GRID2: variants seen among roughly 807,000 people sequenced by gnomAD.
GRID2 encodes the protein glutamate ionotropic receptor delta type subunit 2.
In GRID2, 33 loss-of-function variants were observed where a neutral mutation model predicts 114.8. That is an observed-to-expected ratio of 0.29 (90% confidence interval 0.22 to 0.38). The LOEUF is 0.38. GRID2 is among the 10% of genes least tolerant of loss of function. The probability of loss-of-function intolerance (pLI) is 1.00; values close to 1 mark genes in which losing one functional copy is unlikely to be tolerated. For missense variants in GRID2, 1,184 were observed against 1,257.7 expected (o/e 0.94, Z 0.89); for synonymous variants, 505 against 449.9 (o/e 1.12, Z -1.55).
chr4:92,722,888 T>TATAAG (rs35698891), intron 2 of GRID2, among the ~76,000 whole-genome samples: 118,250 of 151,486 alleles, frequency 0.78, 46,966 homozygotes, highest in Middle Eastern at 0.92. Flanking sequence ...TTTATAATAA[T>TATAAG]AATAGAAAAG....
intron 8 of GRID2, among the ~76,000 whole-genome samples, chr4:93,349,635 A>T (rs1043916891): frequency 6.6e-6 from 1 of 152,078 alleles, no homozygotes; most frequent in Non-Finnish European, 1.5e-5. Flanking sequence ...CATTTTACAC[A>T]GGAGAAAATT....
At chr4:92,579,870 C>T (rs1403858198) in intron 1 of GRID2, among the ~76,000 whole-genome samples, 1 of 115,866 alleles carries the variant, frequency 8.6e-6, no homozygotes. Flanking sequence ...ATGTCAGAGA[C>T]TGTGACTATG....
At chr4:93,696,181 C>A (rs1727003297) in intron 14 of GRID2, among the ~76,000 whole-genome samples, 1 of 152,168 alleles carries the variant, frequency 6.6e-6, no homozygotes, top group African/African-American at 2.4e-5. Context: ...CACCCTTCTA[C>A]ATCATCCGTT....
At chr4:93,805,592 A>T (rs1201876667) in intron 1 of GRID2, among the ~76,000 whole-genome samples, 1 of 152,216 alleles carries the variant, frequency 6.6e-6, no homozygotes, top group Non-Finnish European at 1.5e-5. Flanking sequence ...ATTTTGATAA[A>T]CATGAAACCT....
At chr4:93,615,065 C>G (rs1741465070) in intron 13 of GRID2, among the ~76,000 whole-genome samples, 1 of 152,140 alleles carries the variant, frequency 6.6e-6, no homozygotes, top group Non-Finnish European at 1.5e-5. Context: ...TACGTTGATT[C>G]TGGTGTCATT....
intron 1 of GRID2, among the ~76,000 whole-genome samples, chr4:92,363,218 A>G (rs942470003): frequency 6.6e-6 from 1 of 152,074 alleles, no homozygotes; most frequent in Admixed American, 6.6e-5. Context: ...GCTATATTTT[A>G]ACAAGTCCCC....
chr4:93,691,001 T>A (rs1479134105), intron 14 of GRID2, among the ~76,000 whole-genome samples: 2 of 149,780 alleles, frequency 1.3e-5, no homozygotes, highest in Non-Finnish European at 3.0e-5. Flanking sequence ...AAAAGCATAC[T>A]TATAAAATAT....
intron 8 of GRID2, among the ~76,000 whole-genome samples, chr4:93,345,342 C>G (rs192405695): frequency 5.7e-4 from 86 of 152,022 alleles, no homozygotes; most frequent in African/African-American, 1.9e-3. Context: ...TAGCCACTCT[C>G]TCTGGTGCAA....
intron 1 of GRID2, among the ~76,000 whole-genome samples, chr4:92,514,971 A>G (rs184163801): frequency 6.6e-6 from 1 of 151,878 alleles, no homozygotes; most frequent in East Asian, 2.0e-4. Flanking sequence ...CCTTTTTGCA[A>G]TTGCCCTATA....
chr4:92,660,675 T>C (rs1404793535), intron 2 of GRID2, among the ~76,000 whole-genome samples: 1 of 151,298 alleles, frequency 6.6e-6, no homozygotes, highest in Non-Finnish European at 1.5e-5. Flanking sequence ...CATTCCATTT[T>C]TTTCTTCAAC....
intron 2 of GRID2, among the ~76,000 whole-genome samples, chr4:92,634,121 AAAAAC>A (rs1730946027): frequency 6.6e-6 from 1 of 151,570 alleles, no homozygotes; most frequent in African/African-American, 2.4e-5. Flanking sequence ...TTGCAAAAAA[AAAAAC>A]AACAAAAAAC....
At chr4:92,534,063 C>T (rs1405018386) in intron 1 of GRID2, among the ~76,000 whole-genome samples, 1 of 151,844 alleles carries the variant, frequency 6.6e-6, no homozygotes, top group Non-Finnish European at 1.5e-5. Flanking sequence ...TGGATGTATC[C>T]TTTCAAGTAA....
At chr4:92,764,159 C>T (rs1738151141) in intron 2 of GRID2, among the ~76,000 whole-genome samples, 4 of 152,006 alleles carry the variant, frequency 2.6e-5, no homozygotes, top group African/African-American at 9.7e-5. Flanking sequence ...AATGTATGAC[C>T]GTTCAGCAGC....
chr4:93,281,063 A>G (rs1752598109), intron 8 of GRID2, among the ~76,000 whole-genome samples: 1 of 151,984 alleles, frequency 6.6e-6, no homozygotes, highest in African/African-American at 2.4e-5. Context: ...ATACACACAT[A>G]TATGATACAT....
Position 92,482,027 on chromosome 4 carries a change from TATATATAA to T in GRID2, c.89-108102_89-108095del, listed in dbSNP as rs1218876334. 2.3e-3 allele frequency among the ~76,000 whole-genome samples: 150 copies of T among 64,640 alleles called. 5 individuals are homozygous for T. Among genetic ancestry groups the T allele is most frequent in the Middle Eastern group, 0.01 (1 of 96 alleles). 42.4% of individuals were successfully genotyped at this position (64,640 alleles called of 152,430 possible). Reference sequence around the variant, plus strand: ...ATATATATATATATATATATATATATATATATAAAATAACAATACAAGCTTATAGCTGC... The same window carrying T: ...ATATATATATATATATATATATATATAATAACAATACAAGCTTATAGCTGC... On this transcript the variant is annotated intron_variant, in intron 1 of 15. Coordinates refer to ENST00000282020, the MANE Select transcript of GRID2 (RefSeq NM_001510.4).
At chr4:92,393,618 T>G (rs1171501707) in intron 1 of GRID2, among the ~76,000 whole-genome samples, 3 of 152,160 alleles carry the variant, frequency 2.0e-5, no homozygotes, top group Admixed American at 2.0e-4. Flanking sequence ...ACTCCATGTT[T>G]TATTTTCTTT....
chr4:93,586,557 T>C (rs960713940), intron 13 of GRID2, among the ~76,000 whole-genome samples: 2 of 152,144 alleles, frequency 1.3e-5, no homozygotes, highest in African/African-American at 4.8e-5. Context: ...GACATACATA[T>C]ATTTGCATTA....
At chr4:92,444,225 G>A (rs1035874652) in intron 1 of GRID2, among the ~76,000 whole-genome samples, 4 of 152,144 alleles carry the variant, frequency 2.6e-5, no homozygotes, top group African/African-American at 9.7e-5. Context: ...TGTGTGAAGA[G>A]ACCACCAAAC....
At chr4:92,583,740 TTACA>T (rs1728289035) in intron 1 of GRID2, among the ~76,000 whole-genome samples, 1 of 150,206 alleles carries the variant, frequency 6.7e-6, no homozygotes. Context: ...AGCACATTTA[TTACA>T]TACACACATA....
Sources: allele counts gnomAD v4.1 joint callset (sites outside exome capture counted in the v4.1 genomes callset), GRCh38; gene constraint gnomAD v4.1.1; transcripts MANE v1.5; gene names NCBI Gene and HGNC (gene_info 2026-07-23, HGNC 2026-07-21).